The following TENM4 variants were observed in gnomAD, a reference collection of about 807,000 sequenced individuals.
TENM4 encodes teneurin transmembrane protein 4.
TENM4 carries 82 observed loss-of-function variants against 243.3 expected under a neutral mutation model. The observed-to-expected ratio is 0.34, with a 90% CI of 0.28 to 0.40. The LOEUF is 0.40. TENM4 is among the 10% of genes least tolerant of loss of function. The pLI is 1.00. For synonymous variants in TENM4, 1,412 were observed against 1,456.3 expected, an observed-to-expected ratio of 0.97 and a Z score of 0.69; for missense variants, 3,138 against 3,673.3, an observed-to-expected ratio of 0.85 and a Z score of 3.77.
chr11:78,724,156 T>C (rs1855462420), intron 23 of TENM4, among the ~76,000 whole-genome samples: 1 of 152,074 alleles, frequency 6.6e-6, no homozygotes, highest in Admixed American at 6.6e-5. Context: ...TGTTCTTGAC[T>C]TAACTGTAGC....
rs1203947427 is a variant in TENM4, at chr11:78,702,075, C to T, written c.4538G>A (p.Cys1513Tyr). The change falls in exon 28 of 34, where the codon TGT (cysteine) becomes TAT (tyrosine). Residue 1513 changes from cysteine to tyrosine, a missense_variant. This residue lies in a region of TENM4 where 2,467 missense variants were observed against 3,059.1 expected (regional missense o/e 0.81). Transcript: ENST00000278550. ...ACAGTTGGCATCATTTTTACAGTCA[C>T]AGCCACTGGGGGCCCCAGCAACGAG... ...ISLVAGAPSG[C>Y]DCKNDANCDC... 1 of 1,613,850 alleles carries T rather than the reference C, an allele frequency of 6.2e-7. No homozygotes were observed.
chr11:78,950,021 G>A (rs533531153), intron 6 of TENM4, among the ~76,000 whole-genome samples: 1 of 152,058 alleles, frequency 6.6e-6, no homozygotes, highest in Admixed American at 6.5e-5. Flanking sequence ...TGGATGATGA[G>A]CAGGGTCAGC....
At chr11:78,897,111 G>C (rs1855816583) in intron 7 of TENM4, among the ~76,000 whole-genome samples, 1 of 152,094 alleles carries the variant, frequency 6.6e-6, no homozygotes, top group Non-Finnish European at 1.5e-5. Context: ...TGCCGGGCAG[G>C]GGGTGCCGAC....
intron 4 of TENM4, among the ~76,000 whole-genome samples, chr11:79,071,599 C>T (rs1204537834): frequency 2.0e-5 from 3 of 152,122 alleles, no homozygotes; most frequent in Non-Finnish European, 4.4e-5. Flanking sequence ...CTTTGCAGGC[C>T]AAACAAAAGA....
At chr11:78,797,840 A>G (rs1857191411) in intron 15 of TENM4, among the ~76,000 whole-genome samples, 1 of 152,186 alleles carries the variant, frequency 6.6e-6, no homozygotes, top group Non-Finnish European at 1.5e-5. Context: ...GTCTCAATGG[A>G]TATTATTCCT....
Position 78,841,242 on chromosome 11 carries a change from C to T in TENM4, c.1681+12862G>A, listed in dbSNP as rs1206284151. Among the ~76,000 whole-genome samples, 4 of 152,310 alleles carry T rather than the reference C, an allele frequency of 2.6e-5. No individual in the cohort carries two copies. The South Asian group carries it at 8.3e-4, about 32-fold the overall frequency. On this transcript the variant is annotated intron_variant, in intron 12 of 33. Coordinates refer to ENST00000278550, the MANE Select transcript of TENM4 (RefSeq NM_001098816.3). ...ATCTTTCTTGCCCAAAGTCCCACTGCTATTAAGTGGCAGAGACTGTATTCA... is the reference window on the plus strand; with the variant it reads ...ATCTTTCTTGCCCAAAGTCCCACTGTTATTAAGTGGCAGAGACTGTATTCA...
chr11:78,746,706 C>A (rs1438797198), intron 19 of TENM4, among the ~76,000 whole-genome samples: 1 of 152,210 alleles, frequency 6.6e-6, no homozygotes, highest in Non-Finnish European at 1.5e-5. Flanking sequence ...TTGGTCATGT[C>A]TGGGGACATG....
At chr11:79,222,271 T>G (rs1239999189) in intron 2 of TENM4, among the ~76,000 whole-genome samples, 1 of 152,208 alleles carries the variant, frequency 6.6e-6, no homozygotes, top group African/African-American at 2.4e-5. Context: ...TTTCTGTTCC[T>G]GTGTTAGTTT....
intron 1 of TENM4, among the ~76,000 whole-genome samples, chr11:79,324,958 G>A (rs1856949723): frequency 1.3e-5 from 2 of 152,230 alleles, no homozygotes; most frequent in African/African-American, 4.8e-5. Context: ...CCACCTCTCT[G>A]TGCCTTCAGT....
intron 6 of TENM4, among the ~76,000 whole-genome samples, chr11:78,987,981 TAG>T (rs971495537): frequency 1.9e-4 from 29 of 152,192 alleles, no homozygotes; most frequent in Non-Finnish European, 4.4e-5. Flanking sequence ...ATGTAAGGTG[TAG>T]CCAGGTTGAA....
intron 15 of TENM4, among the ~76,000 whole-genome samples, chr11:78,788,497 C>T (rs1856985015): frequency 6.6e-6 from 1 of 152,266 alleles, no homozygotes; most frequent in Admixed American, 6.5e-5. Context: ...GGTCCCTTGA[C>T]TTCACTGAGC....
In TENM4 at chr11:78,903,425, T is replaced by G. The variant is rs1230439020; in HGVS notation, c.592A>C (p.Asn198His). ...GTGAAGTTGCCCCGGTTCAGGGAGT[T>G]AATGGAGGCCGCGTGGTGCTGGTTG... ...TPNQHHAASINSLNRGNFTPR... is the reference protein window; with the variant it reads ...TPNQHHAASIHSLNRGNFTPR... Residue 198 changes from asparagine to histidine, a missense_variant, in exon 7 of 34, where the codon AAC becomes CAC. This residue lies in a region of TENM4 where 671 missense variants were observed against 614.1 expected (regional missense o/e 1.09). Coordinates refer to ENST00000278550, the MANE Select transcript of TENM4 (RefSeq NM_001098816.3). 6.5e-6 allele frequency: 10 copies of G among 1,546,954 alleles called. No homozygotes were observed. In the East Asian group the frequency reaches 2.5e-4, roughly 38 times the overall value.
At chr11:79,198,513 T>C (rs952871601) in intron 3 of TENM4, among the ~76,000 whole-genome samples, 1 of 152,192 alleles carries the variant, frequency 6.6e-6, no homozygotes, top group African/African-American at 2.4e-5. Context: ...ACAGTCTTTA[T>C]TTCCTCCCCT....
chr11:79,322,103 C>T (rs1030928858), intron 1 of TENM4, among the ~76,000 whole-genome samples: 1 of 152,198 alleles, frequency 6.6e-6, no homozygotes, highest in Non-Finnish European at 1.5e-5. Context: ...GCTACATCCC[C>T]TCTTGTGACT....
chr11:78,884,209 C>A (rs1403917128), intron 9 of TENM4, among the ~76,000 whole-genome samples: 1 of 152,150 alleles, frequency 6.6e-6, no homozygotes, highest in Non-Finnish European at 1.5e-5. Context: ...CCAAATGTCA[C>A]AAAGCTTGGA....
chr11:78,898,971 G>A lies in TENM4; in HGVS notation c.749+4297C>T, dbSNP rs980122356. On this transcript the variant is annotated intron_variant, in intron 7 of 33. Transcript: ENST00000278550. ...TTTCAGACATTATCTTAATATGTTT[G>A]TTACAACAGCCTTATGAGGTGGTGT... is the stretch of plus-strand genomic sequence containing the variant. Among the ~76,000 whole-genome samples, 6 of 152,248 alleles carry A rather than the reference G, an allele frequency of 3.9e-5. No homozygotes were observed. In the East Asian group the frequency reaches 9.7e-4, roughly 25 times the overall value.
intron 1 of TENM4, among the ~76,000 whole-genome samples, chr11:79,323,225 C>T (rs770469828): frequency 6.6e-6 from 1 of 152,158 alleles, no homozygotes; most frequent in African/African-American, 2.4e-5. Flanking sequence ...TCTTCTAAAT[C>T]CTGATCCCAG....
At chr11:79,131,483 AGAATTTGCC>A (rs1862002256) in intron 4 of TENM4, among the ~76,000 whole-genome samples, 1 of 152,244 alleles carries the variant, frequency 6.6e-6, no homozygotes, top group Non-Finnish European at 1.5e-5. Flanking sequence ...AAATACTAAG[AGAATTTGCC>A]GCTACCCAGC....
At chr11:79,038,916 T>C (rs1353604023) in intron 6 of TENM4, among the ~76,000 whole-genome samples, 2 of 152,180 alleles carry the variant, frequency 1.3e-5, no homozygotes, top group Non-Finnish European at 1.5e-5. Flanking sequence ...AAGTAAGGTT[T>C]GAAACTTCTG....
Sources: allele counts gnomAD v4.1 joint callset (sites outside exome capture counted in the v4.1 genomes callset), GRCh38; gene constraint gnomAD v4.1.1; regional missense constraint gnomAD v4.1.1; transcripts MANE v1.5; gene names NCBI Gene and HGNC (gene_info 2026-07-23, HGNC 2026-07-21).